FAM120B: variants seen among roughly 807,000 people sequenced by gnomAD.
FAM120B encodes constitutive coactivator of peroxisome proliferator-activated receptor gamma.
In FAM120B, 83 loss-of-function variants were observed where a neutral mutation model predicts 96.3. That is an observed-to-expected ratio of 0.86 (90% CI 0.72 to 1.03). FAM120B has a LOEUF of 1.03. Among genes scored for constraint, FAM120B ranks in the 50% least tolerant of loss-of-function variants. The pLI is 0.00. For missense variants in FAM120B, 1,027 were observed against 1,121.2 expected (o/e 0.92, Z 1.20); for synonymous variants, 407 against 402.7 (o/e 1.01, Z -0.13).
At chr6:170,375,734 A>G (rs1562581322) in intron 6 of FAM120B, among the ~76,000 whole-genome samples, 2 of 152,192 alleles carry the variant, frequency 1.3e-5, no homozygotes, top group Non-Finnish European at 2.9e-5. Context: ...GAAAGTAAGT[A>G]CAGCGGGCGA....
chr6:170,395,070 G>T (rs1246586769), intron 8 of FAM120B, among the ~76,000 whole-genome samples: 1 of 152,232 alleles, frequency 6.6e-6, no homozygotes, highest in Non-Finnish European at 1.5e-5. Flanking sequence ...GTGTGTGTGA[G>T]TGAAGTTTGT....
At chr6:170,386,475 C>T (rs1562591403) in intron 6 of FAM120B, among the ~76,000 whole-genome samples, 4 of 152,110 alleles carry the variant, frequency 2.6e-5, no homozygotes, top group African/African-American at 7.2e-5. Flanking sequence ...AAGTAAAATG[C>T]GTGCCATGAA....
intron 1 of FAM120B, among the ~76,000 whole-genome samples, chr6:170,310,746 T>TA (rs1229292863): frequency 6.6e-6 from 1 of 152,320 alleles, no homozygotes. Flanking sequence ...TGCACACACT[T>TA]AGACAATTGA....
At position 170,406,218 on chromosome 6, in the gene FAM120B, T is replaced by G. The variant is rs1251992253; in HGVS notation, c.*1467T>G. 6.6e-6 allele frequency: 1 copy of G among 152,236 alleles called. No homozygotes were observed. Among genetic ancestry groups the G allele is most frequent in the Non-Finnish European group, 1.5e-5 (1 of 68,074 alleles). The allele number at this position is 152,236 out of a possible 1,614,324, so 9.4% of individuals were successfully genotyped here. ...CCGTCTTCCAGAAACCTCGAACTTA[T>G]GTCTGTCTCCACCTGAGAAAGGAGA... On this transcript the variant is annotated 3_prime_UTR_variant, in exon 11 of 11. Transcript: ENST00000476287.
At chr6:170,293,949 A>G (rs1206324032), upstream of FAM120B, among the ~76,000 whole-genome samples, 2 of 152,142 alleles carry the variant, frequency 1.3e-5, no homozygotes, top group Middle Eastern at 3.4e-3. Context: ...TTGCACTTTA[A>G]TTTTCATTGA....
chr6:170,348,093 C>T, intron 4 of FAM120B, 58 bp from the exon 5 acceptor site: 3 of 1,340,938 alleles, frequency 2.2e-6, no homozygotes, highest in Non-Finnish European at 2.1e-6. Context: ...CTACAAGGAG[C>T]ATATTATAAC....
chr6:170,378,016 T>G (rs999107836), intron 6 of FAM120B, among the ~76,000 whole-genome samples: 2 of 151,948 alleles, frequency 1.3e-5, no homozygotes, highest in African/African-American at 4.8e-5. Context: ...ATGTTTTGAG[T>G]CAGTCAGCCC....
At chr6:170,354,153 C>G (rs910530221) in intron 5 of FAM120B, among the ~76,000 whole-genome samples, 1 of 152,088 alleles carries the variant, frequency 6.6e-6, no homozygotes, top group Non-Finnish European at 1.5e-5. Flanking sequence ...ACAAACTTGA[C>G]AAAAATAAGC....
At chr6:170,296,252 T>G (rs6921289) in intron 1 of FAM120B, among the ~76,000 whole-genome samples, 146,049 of 152,148 alleles carry the variant, frequency 0.96, 70,096 homozygotes, top group South Asian at 0.97. Flanking sequence ...AGGCCGCGTG[T>G]CCCAGGGAGG....
Position 170,404,855 on chromosome 6 carries a change from G to A in FAM120B, c.*104G>A. ...GCAGCTGCAAGGAGACCATGCCTGT[G>A]GGAGCCAGGCCTCGCTTGCATGAAG... On this transcript the variant is annotated 3_prime_UTR_variant, in exon 11 of 11. Transcript: ENST00000476287. 4 of 483,992 alleles carry A rather than the reference G, an allele frequency of 8.3e-6. No individual in the cohort carries two copies. The highest frequency in any genetic ancestry group is 3.2e-5 in the South Asian group (1 of 30,818). The allele number at this position is 483,992 out of a possible 1,614,324, so 30.0% of individuals were successfully genotyped here.
At chr6:170,394,883 C>G (rs1229485063) in intron 8 of FAM120B, among the ~76,000 whole-genome samples, 1 of 152,242 alleles carries the variant, frequency 6.6e-6, no homozygotes, top group East Asian at 1.9e-4. Flanking sequence ...ACCTGTGGAG[C>G]AGGGACAGTA....
intron 7 of FAM120B, 90 bp from the exon 8 acceptor site, chr6:170,390,923 G>C (rs539323694): frequency 1.6e-4 from 156 of 1,001,026 alleles, no homozygotes; most frequent in Admixed American, 6.4e-4. Context: ...AGTGTGGAAG[G>C]GTGTCCCCTA....
chr6:170,356,500 C>A (rs73790668), intron 5 of FAM120B, among the ~76,000 whole-genome samples: 4 of 152,086 alleles, frequency 2.6e-5, no homozygotes, highest in Non-Finnish European at 5.9e-5. Context: ...ACATACTGTT[C>A]AGTGCATGAA....
chr6:170,370,202 C>T lies in FAM120B; in HGVS notation c.2283+11884C>T, dbSNP rs183776846. ...CACCTCACAGACTTCCCCAGCGGGGCGGCCCCCAGGCCTTGTGTCCTCCTG... is the reference window on the plus strand; with the variant it reads ...CACCTCACAGACTTCCCCAGCGGGGTGGCCCCCAGGCCTTGTGTCCTCCTG... On this transcript the variant is annotated intron_variant, in intron 6 of 10. Coordinates refer to ENST00000476287, the MANE Select transcript of FAM120B (RefSeq NM_032448.3). The surrounding 1 kb of genome is among the most constrained non-coding windows in gnomAD (Gnocchi z 4.3). 1.1e-3 allele frequency among the ~76,000 whole-genome samples: 161 copies of T among 152,352 alleles called. No homozygotes were observed. The highest frequency in any genetic ancestry group is 3.6e-3 in the African/African-American group (149 of 41,584).
intron 4 of FAM120B, among the ~76,000 whole-genome samples, chr6:170,338,194 T>C (rs1474593124): frequency 6.6e-6 from 1 of 152,228 alleles, no homozygotes; most frequent in Non-Finnish European, 1.5e-5. Context: ...ATCTTAACAC[T>C]GCTTTAGCTG....
rs955605240 is a variant in FAM120B at position 170,327,184 on chromosome 6, C to T, written c.1916-3265C>T. On this transcript the variant is annotated intron_variant, in intron 3 of 10. Transcript: ENST00000476287. Reference sequence around the variant, plus strand: ...GCCTCAGCCTCCCAAGTACCTGGGACTACAGGCACCCGCCACCATGCCCGG... The same window carrying T: ...GCCTCAGCCTCCCAAGTACCTGGGATTACAGGCACCCGCCACCATGCCCGG... Among the ~76,000 whole-genome samples, 3 of 151,932 alleles carry T rather than the reference C, an allele frequency of 2.0e-5. No homozygotes were observed. In the South Asian group the frequency reaches 6.2e-4, roughly 32 times the overall value.
At chr6:170,390,814 G>A (rs919307276) in intron 7 of FAM120B, among the ~76,000 whole-genome samples, 199 bp from the exon 8 acceptor site, 1 of 152,106 alleles carries the variant, frequency 6.6e-6, no homozygotes, top group Non-Finnish European at 1.5e-5. Context: ...ATATGTTCTC[G>A]AAGAACCTCT....
At chr6:170,386,371 G>C (rs1790186540) in intron 6 of FAM120B, among the ~76,000 whole-genome samples, 2 of 152,082 alleles carry the variant, frequency 1.3e-5, no homozygotes, top group Non-Finnish European at 2.9e-5. Flanking sequence ...AGCACAAATT[G>C]CCAGTATACA....
rs747036956 is a variant in FAM120B at position 170,318,988 on chromosome 6, C to G, written c.1598C>G (p.Pro533Arg). Residue 533 changes from proline to arginine, a missense_variant, in exon 2 of 11, where the codon CCT becomes CGT. Pro to Arg is a moderately radical substitution (Grantham distance 103). Around this residue, in one of 3 missense-constraint regions of FAM120B, gnomAD observed 880 missense variants for 980.9 expected, o/e 0.90. Transcript: ENST00000476287. ...CTHAEINQKL[P>R]VATDFEFKLE... ...CACGCTGAAATCAATCAAAAATTACCTGTAGCAACAGATTTTGAATTTAAG... is the reference window on the plus strand; with the variant it reads ...CACGCTGAAATCAATCAAAAATTACGTGTAGCAACAGATTTTGAATTTAAG... The G allele has an allele frequency of 1.2e-6, 2 of 1,614,132 alleles. No homozygotes were observed. The highest frequency in any genetic ancestry group is 1.1e-5 in the South Asian group (1 of 91,090).
Sources: allele counts gnomAD v4.1 joint callset (sites outside exome capture counted in the v4.1 genomes callset), GRCh38; gene constraint gnomAD v4.1.1; regional missense constraint gnomAD v4.1.1; non-coding constraint Gnocchi (gnomAD v3.1); transcripts MANE v1.5; gene names NCBI Gene and HGNC (gene_info 2026-07-23, HGNC 2026-07-21).